Variants in POC1B observed in about 807,000 individuals in gnomAD.
POC1B encodes the protein POC1 centriolar protein B.
In POC1B, 44 loss-of-function variants were observed where a neutral mutation model predicts 60.6. That is an observed-to-expected ratio of 0.73 (90% CI 0.57 to 0.93). The LOEUF (loss-of-function observed/expected upper bound fraction) is 0.93, where lower values mean the gene tolerates loss of function less well. POC1B is among the 40% of genes least tolerant of loss of function. POC1B has a pLI of 0.00. For synonymous variants in POC1B, 180 were observed against 198.9 expected (o/e 0.90, Z 0.80); for missense variants, 555 against 572.3 (o/e 0.97, Z 0.31).
chr12:89,471,790 G>A (rs557502234), intron 5 of POC1B, 61 bp from the exon 6 acceptor site: 28 of 947,238 alleles, frequency 3.0e-5, no homozygotes, highest in South Asian at 2.2e-4. Context: ...TTTTTGAGAC[G>A]GAATCTCACT....
At chr12:89,475,772 A>G (rs1883077298) in intron 4 of POC1B, among the ~76,000 whole-genome samples, 2 of 152,314 alleles carry the variant, frequency 1.3e-5, no homozygotes, top group South Asian at 4.1e-4. Flanking sequence ...ACCAAGATGA[A>G]TATTACATTA....
chr12:89,502,211 T>C, intron 2 of POC1B: 1 of 1,158,652 alleles, frequency 8.6e-7, no homozygotes, highest in Non-Finnish European at 1.3e-6. Flanking sequence ...AATAATGATG[T>C]GGATGATGAG....
chr12:89,469,074 G>C (rs1305657327), intron 7 of POC1B, among the ~76,000 whole-genome samples: 1 of 152,114 alleles, frequency 6.6e-6, no homozygotes, highest in African/African-American at 2.4e-5. Context: ...AAACAAGCCT[G>C]GCCAACATGG....
At chr12:89,497,568 T>C (rs1156703645) in intron 2 of POC1B, among the ~76,000 whole-genome samples, 1 of 152,216 alleles carries the variant, frequency 6.6e-6, no homozygotes. Context: ...GCAGGATGAC[T>C]GGCCCCCGTA....
intron 8 of POC1B, 99 bp from the exon 9 acceptor site, chr12:89,467,021 T>A: frequency 2.3e-6 from 2 of 887,762 alleles, no homozygotes; most frequent in Non-Finnish European, 3.3e-6. Flanking sequence ...TCTCCCAAAG[T>A]AGGAAGGGTA....
rs1018391035 is a variant in POC1B at position 89,500,369 on chromosome 12, A to G, written c.101-3027T>C. 1.1e-5 allele frequency: 16 copies of G among 1,503,142 alleles called. 1 individual carries two copies. The Admixed American group carries it at 1.7e-4, about 16-fold the overall frequency. 93.1% of individuals were successfully genotyped at this position (1,503,142 alleles called of 1,614,324 possible). The stretch of plus-strand genomic sequence containing the variant: ...GTCAGTTCCACTTTCTTCAAGGAAG[A>G]AAGAAGCCTCTCTGCAGTTTGTTGT... On this transcript the variant is annotated intron_variant, in intron 2 of 11. Coordinates refer to ENST00000313546, the MANE Select transcript of POC1B (RefSeq NM_172240.3).
intron 3 of POC1B, among the ~76,000 whole-genome samples, chr12:89,494,632 T>C (rs867582132): frequency 3.9e-5 from 6 of 152,160 alleles, no homozygotes; most frequent in African/African-American, 1.4e-4. Context: ...GTGTTGTGAC[T>C]TTACTCTGAG....
intron 10 of POC1B, among the ~76,000 whole-genome samples, chr12:89,452,195 G>A (rs1882071763): frequency 6.6e-6 from 1 of 152,152 alleles, no homozygotes; most frequent in South Asian, 2.1e-4. Context: ...TGGGGATGCA[G>A]CTTAGATTCC....
intron 4 of POC1B, among the ~76,000 whole-genome samples, chr12:89,488,263 C>T (rs149545790): frequency 6.6e-6 from 1 of 152,070 alleles, no homozygotes; most frequent in Non-Finnish European, 1.5e-5. Context: ...AAAATGAAAA[C>T]TATATCAGCC....
intron 11 of POC1B, among the ~76,000 whole-genome samples, chr12:89,423,843 T>C (rs1880645193): frequency 6.6e-6 from 1 of 152,174 alleles, no homozygotes; most frequent in Admixed American, 6.5e-5. Context: ...AAATAGGTCA[T>C]GAAACTGAAA....
intron 1 of POC1B, chr12:89,525,439 T>G: frequency 7.3e-7 from 1 of 1,371,082 alleles, no homozygotes; most frequent in Non-Finnish European, 9.4e-7. Flanking sequence ...CTGTTCGCGC[T>G]TCCCAGAGTC....
chr12:89,525,813 G>T, intron 1 of POC1B, 68 bp downstream of exon 1: 2 of 1,398,502 alleles, frequency 1.4e-6, no homozygotes, highest in Non-Finnish European at 1.9e-6. Flanking sequence ...CTTCGGCCCG[G>T]ACCTGGCCCC....
intron 2 of POC1B, chr12:89,523,239 A>C: frequency 1.2e-6 from 2 of 1,614,010 alleles, no homozygotes; most frequent in Non-Finnish European, 1.7e-6. Flanking sequence ...TATCCTCTGG[A>C]ACATGTAAAT....
rs758399671 is a variant in POC1B, at chr12:89,466,920, G to C, written c.882C>G (p.Val294=). Residue 294 remains valine, a splice_region_variant and synonymous_variant, in exon 9 of 12, where the codon GTC becomes GTG. Coordinates refer to ENST00000313546, the MANE Select transcript of POC1B (RefSeq NM_172240.3). ...LFASGGADTQ[V]LLWRTNFDEL... ...CATCAAAGTTAGTCCTCCATAATAA[G>C]ACCTATGAAAAAAGTCAATGATGTT... The C allele has an allele frequency of 7.7e-5, 123 of 1,605,870 alleles. No individual in the cohort carries two copies. The highest frequency in any genetic ancestry group is 1.0e-4 in the Non-Finnish European group (118 of 1,175,750).
intron 7 of POC1B, among the ~76,000 whole-genome samples, chr12:89,469,626 C>T (rs1882811631): frequency 1.3e-5 from 2 of 152,114 alleles, no homozygotes; most frequent in Non-Finnish European, 2.9e-5. Context: ...CCAATTTCTC[C>T]TAAACCCACC....
chr12:89,431,434 T>TACACAC (rs370664797), intron 10 of POC1B, among the ~76,000 whole-genome samples: 3 of 149,506 alleles, frequency 2.0e-5, no homozygotes, highest in Admixed American at 6.7e-5. Flanking sequence ...TTTAAATCAC[T>TACACAC]ACACACACAC....
intron 2 of POC1B, chr12:89,501,177 G>C (rs1319883451): frequency 3.5e-6 from 5 of 1,438,832 alleles, no homozygotes; most frequent in Non-Finnish European, 4.9e-6. Flanking sequence ...CTAAGACTTT[G>C]GCAAATGACA....
chr12:89,421,135 T>A lies in POC1B; in HGVS notation c.*18A>T. ...ATTTATTGGGCCTCTGCCCAACAAA[T>A]GAAAATGAATTTTTTATTCAGCTTT... On this transcript the variant is annotated 3_prime_UTR_variant, in exon 12 of 12. Transcript: ENST00000313546. The A allele has an allele frequency of 2.6e-6, 4 of 1,560,078 alleles. No individual in the cohort carries two copies. The highest frequency in any genetic ancestry group is 3.5e-6 in the Non-Finnish European group (4 of 1,140,862).
rs536393984 is a variant in POC1B at position 89,480,790 on chromosome 12, T to C, written c.453-8515A>G. ...TAATTTTTTGTATTTTTAGTAGAGA[T>C]GGAGTTTCACCATGTTAGCCAGGAT... On this transcript the variant is annotated intron_variant, in intron 4 of 11. Transcript: ENST00000313546. Among the ~76,000 whole-genome samples, 78 of 152,216 alleles carry C rather than the reference T, an allele frequency of 5.1e-4. 1 individual carries two copies. The highest frequency in any genetic ancestry group is 9.6e-4 in the Non-Finnish European group (65 of 68,008).
Sources: gnomAD v4.1 joint callset for allele counts (sites outside exome capture counted in the v4.1 genomes callset) on GRCh38, gnomAD v4.1.1 for gene constraint, MANE v1.5 for transcripts, NCBI Gene and HGNC (gene_info 2026-07-23, HGNC 2026-07-21) for gene names.